The following GALNT18 variants were observed in gnomAD, a reference collection of about 807,000 sequenced individuals.
The protein encoded by GALNT18 is GalNAc-transferase 18.
GALNT18 carries 44 observed loss-of-function variants against 69.5 expected under a neutral mutation model. The ratio of observed to expected loss-of-function variants is 0.63; its 90% CI spans 0.50 to 0.81. GALNT18 has a LOEUF of 0.81. Ranked by LOEUF, GALNT18 falls within the 40% of genes least tolerant of loss-of-function variation. The pLI, the probability that GALNT18 is intolerant of heterozygous loss-of-function variation, is 0.00. For missense variants in GALNT18, 715 were observed against 810.0 expected, an observed-to-expected ratio of 0.88 and a Z score of 1.42; for synonymous variants, 364 against 318.2, an observed-to-expected ratio of 1.14 and a Z score of -1.53.
chr11:11,323,000 C>T (rs1464386995), intron 9 of GALNT18, among the ~76,000 whole-genome samples: 1 of 152,174 alleles, frequency 6.6e-6, no homozygotes, highest in African/African-American at 2.4e-5. Context: ...TAGGGCACCA[C>T]CCTTATGACC....
intron 1 of GALNT18, among the ~76,000 whole-genome samples, chr11:11,531,546 G>C (rs564065891): frequency 1.3e-5 from 2 of 152,224 alleles, no homozygotes; most frequent in African/African-American, 4.8e-5. Flanking sequence ...CCTCAGTAAG[G>C]CTCAGCCAAG....
rs532353509 is a variant in GALNT18 at position 11,601,226 on chromosome 11, A to G, written c.235+20133T>C. Among the ~76,000 whole-genome samples, 5 of 152,340 alleles carry G rather than the reference A, an allele frequency of 3.3e-5. No homozygotes were observed. The highest frequency in any genetic ancestry group is 9.6e-5 in the African/African-American group (4 of 41,584). On this transcript the variant is annotated intron_variant, in intron 1 of 10. Coordinates refer to ENST00000227756, the MANE Select transcript of GALNT18 (RefSeq NM_198516.3). This position sits in a 1 kb window ranked among gnomAD's most constrained non-coding sequence, Gnocchi z 4.0. The stretch of plus-strand genomic sequence containing the variant: ...ACATTTTAGATACTATATTTTAGAC[A>G]CTTTGAATACTGATTAATCCCCCAC...
rs2133036334 is a variant in GALNT18 at position 11,318,220 on chromosome 11, G to T, written c.1512+8866C>A. On this transcript the variant is annotated intron_variant, in intron 9 of 10. Transcript: ENST00000227756. The surrounding 1 kb of genome is among the most constrained non-coding windows in gnomAD (Gnocchi z 5.1). ...TCCCATTTGGAGGTGAACTGGGTTG[G>T]ATTGTGTCACCCCAAAATTCATATG... is the stretch of plus-strand genomic sequence containing the variant. Among the ~76,000 whole-genome samples the T allele has an allele frequency of 6.6e-6, 1 of 152,254 alleles. No homozygotes were observed. Among genetic ancestry groups the T allele is most frequent in the East Asian group, 1.9e-4 (1 of 5,180 alleles).
chr11:11,351,376 CCA>C (rs1307569543), intron 6 of GALNT18, among the ~76,000 whole-genome samples: 4 of 152,176 alleles, frequency 2.6e-5, no homozygotes, highest in Non-Finnish European at 5.9e-5. Flanking sequence ...CCTTGGAAAG[CCA>C]CAGACAGAAG....
intron 1 of GALNT18, among the ~76,000 whole-genome samples, chr11:11,509,559 T>C (rs1857128821): frequency 6.6e-6 from 1 of 152,202 alleles, no homozygotes; most frequent in Admixed American, 6.5e-5. Context: ...AACTGCTCAA[T>C]AAGTAGTTAC....
Position 11,573,338 on chromosome 11 carries a change from T to C in GALNT18, c.235+48021A>G, listed in dbSNP as rs1858838077. Among the ~76,000 whole-genome samples, 1 of 152,200 alleles carries C rather than the reference T, an allele frequency of 6.6e-6. No individual in the cohort carries two copies. The highest frequency in any genetic ancestry group is 2.4e-5 in the African/African-American group (1 of 41,458). ...TGTGGGAAGGCTGGGCAGACTGAAATAAAAGGGATTTCTGCCTGCTCCTTC... is the reference window on the plus strand; with the variant it reads ...TGTGGGAAGGCTGGGCAGACTGAAACAAAAGGGATTTCTGCCTGCTCCTTC... On this transcript the variant is annotated intron_variant, in intron 1 of 10. Transcript: ENST00000227756. The surrounding 1 kb of genome is among the most constrained non-coding windows in gnomAD (Gnocchi z 4.6).
chr11:11,617,287 T>C lies in GALNT18; in HGVS notation c.235+4072A>G, dbSNP rs1243877854. On this transcript the variant is annotated intron_variant, in intron 1 of 10. Coordinates refer to ENST00000227756, the MANE Select transcript of GALNT18 (RefSeq NM_198516.3). The surrounding 1 kb of genome is among the most constrained non-coding windows in gnomAD (Gnocchi z 4.7). ...TTAACTAACTCAAGCCCTGACCACG[T>C]TGACTAAAAGGGATTCTTTGTCCTT... Among the ~76,000 whole-genome samples, 1 of 152,246 alleles carries C rather than the reference T, an allele frequency of 6.6e-6. No individual in the cohort carries two copies. The highest frequency in any genetic ancestry group is 2.4e-5 in the African/African-American group (1 of 41,468).
At chr11:11,474,403 T>G in intron 1 of GALNT18, among the ~76,000 whole-genome samples, 1 of 152,206 alleles carries the variant, frequency 6.6e-6, no homozygotes, top group Non-Finnish European at 1.5e-5. Flanking sequence ...GGAAAGATCG[T>G]ACAGGACCTG....
intron 3 of GALNT18, among the ~76,000 whole-genome samples, chr11:11,431,940 T>TG (rs1284445740): frequency 1.3e-5 from 2 of 152,134 alleles, no homozygotes; most frequent in South Asian, 2.1e-4. Context: ...TGATGGCATA[T>TG]GGGGGGGCAA....
intron 6 of GALNT18, among the ~76,000 whole-genome samples, chr11:11,350,664 G>A (rs759615769): frequency 3.9e-5 from 6 of 152,174 alleles, no homozygotes; most frequent in Non-Finnish European, 5.9e-5. Flanking sequence ...TCGATGAGAT[G>A]AGAGAGGACA....
At chr11:11,580,991 GCCTGCTTCACAGCTC>G (rs1859065858) in intron 1 of GALNT18, among the ~76,000 whole-genome samples, 2 of 152,256 alleles carry the variant, frequency 1.3e-5, no homozygotes, top group African/African-American at 4.8e-5. Flanking sequence ...CCACCCTGAA[GCCTGCTTCACAGCTC>G]CCTGCGGCCG....
intron 5 of GALNT18, among the ~76,000 whole-genome samples, chr11:11,376,397 C>T (rs11267516): frequency 1.8e-5 from 1 of 54,304 alleles, no homozygotes; most frequent in South Asian, 4.7e-4. Context: ...CAAAAACAAA[C>T]ACAGACAGAA....
rs576536331 is a variant in GALNT18 at position 11,473,458 on chromosome 11, T to C, written c.236-24522A>G. 6.4e-4 allele frequency among the ~76,000 whole-genome samples: 98 copies of C among 152,328 alleles called. No homozygotes were observed. The Middle Eastern group carries it at 0.014, about 21-fold the overall frequency. ...AGGTGTCTTAGTTATTCAATAGAGA[T>C]GCAAGATCCGATTAATGCTGTATAT... On this transcript the variant is annotated intron_variant, in intron 1 of 10. Coordinates refer to ENST00000227756, the MANE Select transcript of GALNT18 (RefSeq NM_198516.3).
At chr11:11,276,343 G>A (rs568719863) in intron 10 of GALNT18, among the ~76,000 whole-genome samples, 2 of 152,264 alleles carry the variant, frequency 1.3e-5, no homozygotes, top group South Asian at 2.1e-4. Context: ...TTTTATTGGT[G>A]TATAGGAATG....
intron 1 of GALNT18, among the ~76,000 whole-genome samples, chr11:11,534,242 C>T (rs373452229): frequency 7.9e-5 from 12 of 152,296 alleles, no homozygotes; most frequent in South Asian, 2.1e-4. Flanking sequence ...TGACTCCTAT[C>T]GCCAACCTGA....
rs916351129 is a variant in GALNT18, at chr11:11,439,584, G to A, written c.429-6797C>T. Among the ~76,000 whole-genome samples, 2 of 152,202 alleles carry A rather than the reference G, an allele frequency of 1.3e-5. No homozygotes were observed. The highest frequency in any genetic ancestry group is 2.9e-5 in the Non-Finnish European group (2 of 68,042). ...ATATGTGATCATTTAACAAACGTCA[G>A]TGTCTCCACTAGACTATAAGCTGTA... is the stretch of plus-strand genomic sequence containing the variant. On this transcript the variant is annotated intron_variant, in intron 2 of 10. Coordinates refer to ENST00000227756, the MANE Select transcript of GALNT18 (RefSeq NM_198516.3). This position sits in a 1 kb window ranked among gnomAD's most constrained non-coding sequence, Gnocchi z 4.4.
intron 3 of GALNT18, among the ~76,000 whole-genome samples, chr11:11,408,580 C>A (rs1040006316): frequency 3.3e-5 from 5 of 152,012 alleles, no homozygotes; most frequent in African/African-American, 1.2e-4. Flanking sequence ...CTCCTACTCT[C>A]CCACTTAAAC....
At chr11:11,352,749 A>G in intron 6 of GALNT18, 1 of 1,614,134 alleles carries the variant, frequency 6.2e-7, no homozygotes, top group African/African-American at 1.3e-5. Flanking sequence ...CGTCTGGTAC[A>G]ATTGCTTGAA....
In GALNT18 at chr11:11,603,602, T is replaced by A. The variant is rs141757529; in HGVS notation, c.235+17757A>T. ...GTGTCCAAACTGAATATTCATAATC[T>A]TCATGTTGCCACAAAGGCTATATTT... is the stretch of plus-strand genomic sequence containing the variant. On this transcript the variant is annotated intron_variant, in intron 1 of 10. Coordinates refer to ENST00000227756, the MANE Select transcript of GALNT18 (RefSeq NM_198516.3). This position sits in a 1 kb window ranked among gnomAD's most constrained non-coding sequence, Gnocchi z 4.5. 6.6e-6 allele frequency among the ~76,000 whole-genome samples: 1 copy of A among 152,258 alleles called. No homozygotes were observed. Among genetic ancestry groups the A allele is most frequent in the East Asian group, 1.9e-4 (1 of 5,164 alleles).
Sources: gnomAD v4.1 joint callset for allele counts (sites outside exome capture counted in the v4.1 genomes callset) on GRCh38, gnomAD v4.1.1 for gene constraint, Gnocchi (gnomAD v3.1) non-coding constraint, MANE v1.5 for transcripts, NCBI Gene and HGNC (gene_info 2026-07-23, HGNC 2026-07-21) for gene names.